Variants in EFHB observed in about 807,000 individuals in gnomAD.
The protein encoded by EFHB is EF-hand domain family member B.
Under a neutral mutation model 87.2 loss-of-function variants are expected in EFHB, and 91 were observed. The ratio of observed to expected loss-of-function variants is 1.04; its 90% CI spans 0.88 to 1.24. The LOEUF (loss-of-function observed/expected upper bound fraction) is 1.24, where lower values mean the gene tolerates loss of function less well. EFHB is among the 50% of genes most tolerant of loss of function. The pLI is 0.00. For missense variants in EFHB, 1,084 were observed against 998.8 expected (o/e 1.09, Z -1.15); for synonymous variants, 325 against 333.6 (o/e 0.97, Z 0.28).
intron 4 of EFHB, 67 bp downstream of exon 4, chr3:19,918,165 T>A (rs1695299765): frequency 7.4e-7 from 1 of 1,353,848 alleles, no homozygotes; most frequent in African/African-American, 1.5e-5. Flanking sequence ...ATAAGATATT[T>A]AATCAAATTT....
upstream of EFHB, chr3:19,936,278 A>C (rs1367496326): frequency 1.4e-6 from 1 of 690,732 alleles, no homozygotes; most frequent in Non-Finnish European, 2.6e-6. Context: ...TGAGCCCAGG[A>C]GGTCTATGCG....
At chr3:19,938,970 A>T (rs1326481066), upstream of EFHB, among the ~76,000 whole-genome samples, 1 of 151,906 alleles carries the variant, frequency 6.6e-6, no homozygotes, top group Non-Finnish European at 1.5e-5. Flanking sequence ...GCAGTGGCAC[A>T]ATCTTGGCTC....
At position 19,914,201 on chromosome 3, in the gene EFHB, T is replaced by G. The variant is rs555064355; in HGVS notation, c.1288+1102A>C. On this transcript the variant is annotated intron_variant, in intron 5 of 12. Transcript: ENST00000295824. ...GGGCTCAAGTGATCCGGCGCTGAGATTACAAGAGTGAGCCACCGCACCCAG... is the reference window on the plus strand; with the variant it reads ...GGGCTCAAGTGATCCGGCGCTGAGAGTACAAGAGTGAGCCACCGCACCCAG... Among the ~76,000 whole-genome samples the G allele has an allele frequency of 2.0e-5, 3 of 152,246 alleles. No homozygotes were observed. The South Asian group carries it at 6.2e-4, about 32-fold the overall frequency.
chr3:19,936,501 C>G (rs952632634), upstream of EFHB, among the ~76,000 whole-genome samples: 16 of 151,938 alleles, frequency 1.1e-4, no homozygotes, highest in African/African-American at 3.9e-4. Flanking sequence ...GAATTGAAGG[C>G]TGTAGTGAGA....
At chr3:19,885,735 G>A (rs954690810) in intron 10 of EFHB, among the ~76,000 whole-genome samples, 8 of 152,018 alleles carry the variant, frequency 5.3e-5, no homozygotes, top group Non-Finnish European at 8.8e-5. Flanking sequence ...ATTCCTCCCC[G>A]CAACCCCACC....
intron 1 of EFHB, among the ~76,000 whole-genome samples, chr3:19,920,876 C>G (rs142058205): frequency 6.6e-6 from 1 of 152,246 alleles, no homozygotes; most frequent in African/African-American, 2.4e-5. Flanking sequence ...GAACAATCTT[C>G]TCATAGATCA....
At chr3:19,917,195 C>A (rs1455495353) in intron 4 of EFHB, among the ~76,000 whole-genome samples, 1 of 150,608 alleles carries the variant, frequency 6.6e-6, no homozygotes, top group Non-Finnish European at 1.5e-5. Context: ...CATGGTGAGA[C>A]CCCAGCCTCT....
At chr3:19,882,044 TAAATAAA>T (rs2071689365) in intron 12 of EFHB, among the ~76,000 whole-genome samples, 11 of 143,028 alleles carry the variant, frequency 7.7e-5, no homozygotes, top group African/African-American at 3.0e-4. Flanking sequence ...AATAAATAAA[TAAATAAA>T]TAAATAAATA....
chr3:19,895,541 G>A (rs967281476), intron 9 of EFHB, among the ~76,000 whole-genome samples: 3 of 151,544 alleles, frequency 2.0e-5, no homozygotes, highest in Non-Finnish European at 4.4e-5. Context: ...CTATTAAGAT[G>A]ATCATCTTTC....
At chr3:19,939,551 A>AT (rs34361970) in intron 1 of EFHB, among the ~76,000 whole-genome samples, 21,487 of 150,640 alleles carry the variant, frequency 0.14, 1,614 homozygotes, top group South Asian at 0.24. Flanking sequence ...CACCCGGCTA[A>AT]TTTTTTGTAT....
chr3:19,902,205 C>T (rs929969524), intron 6 of EFHB, among the ~76,000 whole-genome samples: 7 of 152,136 alleles, frequency 4.6e-5, no homozygotes, highest in African/African-American at 1.4e-4. Context: ...TGAATTCATT[C>T]GTTCACACAT....
At chr3:19,890,532 G>A (rs1030109338) in intron 9 of EFHB, among the ~76,000 whole-genome samples, 4 of 152,264 alleles carry the variant, frequency 2.6e-5, no homozygotes, top group South Asian at 2.1e-4. Context: ...TTATTGCTAC[G>A]GCTTCCAAGC....
intron 1 of EFHB, among the ~76,000 whole-genome samples, chr3:19,929,708 CAAA>C (rs34016968): frequency 1.3e-5 from 1 of 79,810 alleles, no homozygotes; most frequent in Non-Finnish European, 2.3e-5. Context: ...GACTCCATCT[CAAA>C]AAAAAAAAAA....
At chr3:19,908,400 G>A (rs999647437) in intron 5 of EFHB, among the ~76,000 whole-genome samples, 1 of 151,946 alleles carries the variant, frequency 6.6e-6, no homozygotes, top group Non-Finnish European at 1.5e-5. Context: ...AGGCATGGTG[G>A]CGGGCGCCTG....
At chr3:19,945,159 A>C (rs763178682) in intron 1 of EFHB, among the ~76,000 whole-genome samples, 3 of 152,238 alleles carry the variant, frequency 2.0e-5, no homozygotes, top group Non-Finnish European at 4.4e-5. Context: ...AAGTGATCAG[A>C]TACCAAGATG....
In EFHB at chr3:19,879,533, G is replaced by T; in HGVS notation, c.*98C>A. On this transcript the variant is annotated 3_prime_UTR_variant, in exon 13 of 13. Coordinates refer to ENST00000295824, the MANE Select transcript of EFHB (RefSeq NM_144715.4). ...ACAGGCATATGAGTCTTACCACTGT[G>T]AACTCTAACATAATATCTAAAACCA... 1 of 1,332,688 alleles carries T rather than the reference G, an allele frequency of 7.5e-7. No homozygotes were observed. Among genetic ancestry groups the T allele is most frequent in the Non-Finnish European group, 1.0e-6 (1 of 991,320 alleles). The allele number at this position is 1,332,688 out of a possible 1,614,324, so 82.6% of individuals were successfully genotyped here. A position where few individuals can be genotyped will look rare whatever the true frequency, so the allele number is the denominator to read the frequency against.
At position 19,933,412 on chromosome 3, in the gene EFHB, C is replaced by G. The variant is rs1695899734; in HGVS notation, c.607G>C (p.Asp203His). 3 of 1,614,066 alleles carry G rather than the reference C, an allele frequency of 1.9e-6. No homozygotes were observed. Among genetic ancestry groups the G allele is most frequent in the African/African-American group, 2.7e-5 (2 of 75,058 alleles). ...DIGLTQAEGP[D>H]ETKNTEPQMG... Reference sequence around the variant, plus strand: ...TGGGGCTCTGTATTCTTAGTCTCATCTGGCCCCTCGGCTTGGGTTAGTCCA... The same window carrying G: ...TGGGGCTCTGTATTCTTAGTCTCATGTGGCCCCTCGGCTTGGGTTAGTCCA... The change falls in exon 1 of 13, where the codon GAT (aspartate) becomes CAT (histidine). Residue 203 changes from aspartate (D) to histidine (H), a missense_variant. Physicochemically the swap from Asp to His is moderately conservative, Grantham distance 81. Transcript: ENST00000295824.
In EFHB at chr3:19,919,974, T is replaced by G. The variant is rs140724530; in HGVS notation, c.855A>C (p.Leu285=). 1.2e-6 allele frequency: 2 copies of G among 1,613,526 alleles called. No homozygotes were observed. Among genetic ancestry groups the G allele is most frequent in the Non-Finnish European group, 1.7e-6 (2 of 1,179,748 alleles). The change falls in exon 3 of 13, where the codon CTA becomes CTC. Residue 285 remains leucine (L), a splice_region_variant and synonymous_variant. Transcript: ENST00000295824. ...ACTTTTTTGCTTCAGGTGGAGTAAT[T>G]AGCTACAAAGAGTGAGGCAAGAAAA... ...ATCLTEKLPR[L]ITPPEAKKYF... is the part of the protein sequence containing the mutation.
At chr3:19,889,203 G>A (rs11921429) in intron 9 of EFHB, among the ~76,000 whole-genome samples, 21,546 of 152,202 alleles carry the variant, frequency 0.14, 1,770 homozygotes, top group Middle Eastern at 0.23. Flanking sequence ...CCTACACTGA[G>A]TATGAACAGA....
Sources: gnomAD v4.1 joint callset for allele counts (sites outside exome capture counted in the v4.1 genomes callset) on GRCh38, gnomAD v4.1.1 for gene constraint, MANE v1.5 for transcripts, NCBI Gene and HGNC (gene_info 2026-07-23, HGNC 2026-07-21) for gene names.